The following MRE11 variants were observed in gnomAD, a reference collection of about 807,000 sequenced individuals.
MRE11 encodes MRE11 double strand break repair nuclease, also known as double-strand break repair protein MRE11.
A neutral mutation model predicts 91.7 loss-of-function variants in MRE11; 62 were observed. The observed-to-expected ratio is 0.68, with a 90% CI of 0.55 to 0.84. MRE11 has a LOEUF of 0.84. MRE11 is among the 40% of genes least tolerant of loss of function. The pLI, the probability that MRE11 is intolerant of heterozygous loss-of-function variation, is 0.00. For missense variants in MRE11, 796 were observed against 852.9 expected (o/e 0.93, Z 0.83); for synonymous variants, 273 against 271.4 (o/e 1.01, Z -0.06).
At position 94,486,001 on chromosome 11, in the gene MRE11, T is replaced by C. The variant is rs780874130; in HGVS notation, c.237A>G (p.Leu79=). ...RKTLHTCLEL[L]RKYCMGDRPV... Reference sequence around the variant, plus strand: ...GCCGATCACCCATACAATATTTTCTTAATAACTCGAGGCAGGTATGTAATG... The same window carrying C: ...GCCGATCACCCATACAATATTTTCTCAATAACTCGAGGCAGGTATGTAATG... Residue 79 remains leucine, a synonymous_variant, in exon 4 of 20, where the codon TTA becomes TTG. Transcript: ENST00000323929. 6.2e-7 allele frequency: 1 copy of C among 1,613,924 alleles called. No homozygotes were observed. Among genetic ancestry groups the C allele is most frequent in the Admixed American group, 1.7e-5 (1 of 59,998 alleles).
Position 94,478,845 on chromosome 11 carries a change from C to G in MRE11, c.434G>C (p.Ser145Thr). 1 of 1,613,824 alleles carries G rather than the reference C, an allele frequency of 6.2e-7. No individual in the cohort carries two copies. The highest frequency in any genetic ancestry group is 1.1e-5 in the South Asian group (1 of 91,080). ...ADALCALDIL[S>T]CAGFVNHFGR... ...AAAGTGATTTACAAATCCAGCACAA[C>G]TTAAAATGTCCAAGGCACAAAGTGC... The change falls in exon 6 of 20, where the codon AGT becomes ACT. Residue 145 changes from serine (S) to threonine (T), a missense_variant. Transcript: ENST00000323929.
the MRE11 span, among the ~76,000 whole-genome samples, chr11:94,508,757 A>G: frequency 1.4e-5 from 2 of 141,204 alleles, no homozygotes; most frequent in Non-Finnish European, 3.1e-5. Flanking sequence ...GGCCCACTAC[A>G]TTTACCTTTT....
At chr11:94,442,360 A>T (rs1565209416) in intron 16 of MRE11, among the ~76,000 whole-genome samples, 1 of 152,218 alleles carries the variant, frequency 6.6e-6, no homozygotes, top group Non-Finnish European at 1.5e-5. Flanking sequence ...TGATTTCTTA[A>T]TTACAGTGGA....
rs374031599 is a variant in MRE11 at position 94,470,522 on chromosome 11, G to A, written c.966C>T (p.Asn322=). 6.2e-7 allele frequency: 1 copy of A among 1,613,028 alleles called. No homozygotes were observed. The highest frequency in any genetic ancestry group is 8.5e-7 in the Non-Finnish European group (1 of 1,179,364). The change falls in exon 9 of 20, where the codon AAC becomes AAT. Residue 322 remains asparagine (N), a synonymous_variant. Transcript: ENST00000323929. ...CTTGGGTTACTTTAGGATTATCTGGGTTAAAAATGTCTGGATGATTAGCTA... is the reference window on the plus strand; with the variant it reads ...CTTGGGTTACTTTAGGATTATCTGGATTAAAAATGTCTGGATGATTAGCTA... ...IVLANHPDIF[N]PDNPKVTQAI...
At chr11:94,494,713 A>C (rs13447578), upstream of MRE11, among the ~76,000 whole-genome samples, 4,603 of 152,248 alleles carry the variant, frequency 0.03, 258 homozygotes, top group African/African-American at 0.11. Context: ...ATACCAGTAA[A>C]ATTTTGTACA....
In MRE11 at chr11:94,486,101, GGT is replaced by G. The variant is rs2135123289; in HGVS notation, c.154-19_154-18del. The G allele has an allele frequency of 1.3e-5, 21 of 1,612,950 alleles. No individual in the cohort carries two copies. Among genetic ancestry groups the G allele is most frequent in the Non-Finnish European group, 1.6e-5 (19 of 1,179,564 alleles). ...AAAATCCACCTGATCAACAGAAAAA[GGT>G]GTTAAAATTAGTATGTTTTACAGGT... On this transcript the variant is annotated intron_variant, in intron 3 of 19. Transcript: ENST00000323929.
chr11:94,495,267 T>A (rs1459816146), upstream of MRE11, among the ~76,000 whole-genome samples: 1 of 152,176 alleles, frequency 6.6e-6, no homozygotes, highest in African/African-American at 2.4e-5. Context: ...CTGGAACTTC[T>A]CAGAATCCAT....
intron 13 of MRE11, among the ~76,000 whole-genome samples, chr11:94,456,806 A>G (rs1261299053): frequency 6.6e-6 from 1 of 152,192 alleles, no homozygotes; most frequent in Non-Finnish European, 1.5e-5. Context: ...GAGTCAACTC[A>G]TGAAGGTTTG....
chr11:94,502,014 T>TTA, the MRE11 span, among the ~76,000 whole-genome samples: 3 of 152,038 alleles, frequency 2.0e-5, no homozygotes, highest in African/African-American at 4.8e-5. Flanking sequence ...ATGAAAGTTC[T>TTA]TATATATATA....
chr11:94,431,066 A>G (rs544432078), intron 18 of MRE11, among the ~76,000 whole-genome samples: 1 of 152,224 alleles, frequency 6.6e-6, no homozygotes, highest in African/African-American at 2.4e-5. Context: ...CTTCAATAAA[A>G]GTAGTGTTTA....
At chr11:94,482,411 C>T in intron 4 of MRE11, among the ~76,000 whole-genome samples, 1 of 152,144 alleles carries the variant, frequency 6.6e-6, no homozygotes, top group East Asian at 1.9e-4. Flanking sequence ...TAACAGTAGA[C>T]TCCTCAACAG....
At chr11:94,424,029 C>A (rs1386658742) in intron 19 of MRE11, among the ~76,000 whole-genome samples, 1 of 152,322 alleles carries the variant, frequency 6.6e-6, no homozygotes, top group East Asian at 1.9e-4. Flanking sequence ...AGACACCAAA[C>A]AACAGTAATG....
the MRE11 span, among the ~76,000 whole-genome samples, chr11:94,506,880 G>A: frequency 6.6e-6 from 1 of 152,052 alleles, no homozygotes; most frequent in African/African-American, 2.4e-5. Context: ...GTGAGCCACG[G>A]TGCCAGCCTT....
the MRE11 span, among the ~76,000 whole-genome samples, chr11:94,500,718 A>T: frequency 7.2e-5 from 11 of 152,290 alleles, no homozygotes; most frequent in African/African-American, 2.6e-4. Context: ...TATGAATCTT[A>T]AATATGCTTT....
intron 19 of MRE11, among the ~76,000 whole-genome samples, chr11:94,422,981 G>A (rs1020467428): frequency 6.6e-6 from 1 of 152,148 alleles, no homozygotes. Flanking sequence ...CCAAAGTGCT[G>A]GGATTACAGG....
intron 16 of MRE11, among the ~76,000 whole-genome samples, chr11:94,444,879 CTGA>C (rs1321830065): frequency 6.6e-6 from 1 of 151,598 alleles, no homozygotes; most frequent in African/African-American, 2.4e-5. Context: ...CCTCAAATAA[CTGA>C]TAATATAAAT....
At chr11:94,437,788 T>C (rs1945662791) in intron 16 of MRE11, among the ~76,000 whole-genome samples, 1 of 152,222 alleles carries the variant, frequency 6.6e-6, no homozygotes. Context: ...ACTTGAAGTT[T>C]AGCTAGCTCT....
At chr11:94,496,599 T>G, upstream of MRE11, 1 of 1,175,530 alleles carries the variant, frequency 8.5e-7, no homozygotes, top group Non-Finnish European at 1.2e-6. Context: ...TATTTGTGTT[T>G]TCAGATCTTG....
chr11:94,443,805 G>A (rs377097792), intron 16 of MRE11, among the ~76,000 whole-genome samples: 15 of 152,050 alleles, frequency 9.9e-5, no homozygotes, highest in African/African-American at 3.4e-4. Flanking sequence ...TTGCCTTTGG[G>A]ACTAAACAGA....
Sources: gnomAD v4.1 joint callset for allele counts (sites outside exome capture counted in the v4.1 genomes callset) on GRCh38, gnomAD v4.1.1 for gene constraint, MANE v1.5 for transcripts, NCBI Gene and HGNC (gene_info 2026-07-23, HGNC 2026-07-21) for gene names.